Variants in TJP2 observed in about 807,000 individuals in gnomAD.
TJP2 encodes Friedreich ataxia region gene X104 (tight junction protein ZO-2).
Under a neutral mutation model 133.1 loss-of-function variants are expected in TJP2, and 91 were observed. The observed-to-expected ratio is 0.68, with a 90% CI of 0.58 to 0.81. The LOEUF is 0.81. Among genes scored for constraint, TJP2 ranks in the 40% least tolerant of loss-of-function variants. The pLI is 0.00. For missense variants in TJP2, 1,541 were observed against 1,565.6 expected, an observed-to-expected ratio of 0.98 and a Z score of 0.26; for synonymous variants, 592 against 583.4, an observed-to-expected ratio of 1.01 and a Z score of -0.21.
At chr9:69,235,845 T>G (rs946272619) in intron 12 of TJP2, among the ~76,000 whole-genome samples, 183 bp from the exon 13 acceptor site, 1 of 152,182 alleles carries the variant, frequency 6.6e-6, no homozygotes, top group Non-Finnish European at 1.5e-5. Flanking sequence ...AATTAACCAT[T>G]GCAGCAAGCC....
At chr9:69,168,954 C>T (rs1012092243) in intron 2 of TJP2, among the ~76,000 whole-genome samples, 2 of 151,246 alleles carry the variant, frequency 1.3e-5, no homozygotes, top group Middle Eastern at 3.2e-3. Context: ...GCAGGTGAAC[C>T]GGGTGGTTAT....
In TJP2 at chr9:69,248,243, C is replaced by T. The variant is rs200384355; in HGVS notation, c.2880+19C>T. 503 of 1,570,086 alleles carry T rather than the reference C, an allele frequency of 3.2e-4. 3 individuals are homozygous for T. In the Middle Eastern group the frequency reaches 3.5e-3, roughly 11 times the overall value. On this transcript the variant is annotated intron_variant, in intron 19 of 22. Coordinates refer to ENST00000377245, the MANE Select transcript of TJP2 (RefSeq NM_004817.4). ...CGAGGAGGTGAGGCGAGGCAGGCCA[C>T]GGGCAGGAACAGGAGAGCCTGGTGT...
intron 17 of TJP2, among the ~76,000 whole-genome samples, chr9:69,241,723 G>C (rs1830587617): frequency 6.6e-6 from 1 of 152,142 alleles, no homozygotes; most frequent in Admixed American, 6.6e-5. Context: ...AGTAAAGAGT[G>C]GTACAGCCTT....
intron 1 of TJP2, among the ~76,000 whole-genome samples, chr9:69,184,766 T>TTTTTTG (rs1184047894): frequency 6.6e-6 from 1 of 150,484 alleles, no homozygotes; most frequent in East Asian, 1.9e-4. Context: ...TTTTTTTTTT[T>TTTTTTG]TTTTGAGACG....
chr9:69,232,748 T>A (rs1212064789), intron 11 of TJP2, among the ~76,000 whole-genome samples: 1 of 152,170 alleles, frequency 6.6e-6, no homozygotes, highest in Admixed American at 6.5e-5. Flanking sequence ...TCTGATAGAG[T>A]TGTCATTTCT....
intron 2 of TJP2, among the ~76,000 whole-genome samples, chr9:69,165,417 T>A (rs1253865356): frequency 6.6e-6 from 1 of 152,138 alleles, no homozygotes; most frequent in Non-Finnish European, 1.5e-5. Flanking sequence ...TGATTACAGG[T>A]GTGGCCACCA....
At chr9:69,174,584 AG>A in intron 1 of TJP2, 152 bp downstream of exon 1, 1 of 996,300 alleles carries the variant, frequency 1.0e-6, no homozygotes, top group Non-Finnish European at 1.5e-6. Flanking sequence ...GACGCAGGGG[AG>A]GGGTAGGTTT....
chr9:69,217,366 A>T (rs532027687), intron 3 of TJP2, among the ~76,000 whole-genome samples: 123 of 152,338 alleles, frequency 8.1e-4, no homozygotes, highest in Middle Eastern at 3.4e-3. Flanking sequence ...AGTTAACTGT[A>T]TGGCTGCATT....
intron 20 of TJP2, among the ~76,000 whole-genome samples, chr9:69,250,570 G>A (rs1240383190): frequency 3.3e-5 from 5 of 152,316 alleles, no homozygotes; most frequent in Middle Eastern, 3.4e-3. Flanking sequence ...GGCTGTTAGC[G>A]TGAAGCAGTG....
intron 20 of TJP2, 97 bp from the exon 21 acceptor site, chr9:69,250,938 G>A (rs1831285217): frequency 7.9e-7 from 1 of 1,265,482 alleles, no homozygotes; most frequent in Non-Finnish European, 1.1e-6. Context: ...GACCACCTTT[G>A]GAAACTGATC....
In TJP2 at chr9:69,198,716, C is replaced by T. The variant is rs150016432; in HGVS notation, c.61-13832C>T. 6.6e-4 allele frequency among the ~76,000 whole-genome samples: 101 copies of T among 152,302 alleles called. 2 individuals carry two copies. In the East Asian group the frequency reaches 0.017, roughly 26 times the overall value. Reference sequence around the variant, plus strand: ...TACACTAGATTTAATCATCCACTGCCGGCACTCAGTGCATTGTGAAGGGAG... The same window carrying T: ...TACACTAGATTTAATCATCCACTGCTGGCACTCAGTGCATTGTGAAGGGAG... On this transcript the variant is annotated intron_variant, in intron 1 of 22. Transcript: ENST00000377245.
intron 19 of TJP2, 27 bp from the exon 20 acceptor site, chr9:69,249,348 T>C (rs368913468): frequency 1.3e-6 from 2 of 1,586,328 alleles, no homozygotes; most frequent in African/African-American, 1.3e-5. Flanking sequence ...GATGTTCTTG[T>C]TGTGAATGAA....
rs1416727105 is a variant in TJP2, at chr9:69,136,666, C to A, written c.-131+14941C>A. 2.0e-5 allele frequency among the ~76,000 whole-genome samples: 3 copies of A among 152,120 alleles called. No homozygotes were observed. The East Asian group carries it at 5.8e-4, about 29-fold the overall frequency. On this transcript the variant is annotated intron_variant, in intron 1 of 5. Transcript: ENST00000423935. Reference sequence around the variant, plus strand: ...GGGTCATGTGCAAGCTCAGTGAATGCAGGAGGAAACTACATCCATTTCCTG... The same window carrying A: ...GGGTCATGTGCAAGCTCAGTGAATGAAGGAGGAAACTACATCCATTTCCTG...
intron 17 of TJP2, among the ~76,000 whole-genome samples, chr9:69,241,630 A>G (rs1235563623): frequency 1.3e-5 from 2 of 152,106 alleles, no homozygotes; most frequent in Non-Finnish European, 2.9e-5. Context: ...ACGTACTCAT[A>G]CTCTTGGTAT....
chr9:69,248,491 T>G, intron 19 of TJP2: 1 of 1,316,280 alleles, frequency 7.6e-7, no homozygotes, highest in Non-Finnish European at 9.7e-7. Flanking sequence ...AGAATGGCTT[T>G]AGGTGCCGTC....
intron 10 of TJP2, among the ~76,000 whole-genome samples, 182 bp downstream of exon 10, chr9:69,229,432 G>GTTCC (rs1468465815): frequency 3.7e-4 from 57 of 152,322 alleles, no homozygotes; most frequent in Non-Finnish European, 6.2e-4. Context: ...ACAGCAAAAT[G>GTTCC]CGGAAGTGGG....
intron 17 of TJP2, 91 bp from the exon 18 acceptor site, chr9:69,246,596 TATC>T: frequency 9.2e-7 from 1 of 1,082,382 alleles, no homozygotes; most frequent in Non-Finnish European, 1.4e-6. Context: ...TAGTCTTAAA[TATC>T]ACAGAAATGA....
At chr9:69,167,238 A>G (rs1258024425) in intron 2 of TJP2, among the ~76,000 whole-genome samples, 11 of 151,864 alleles carry the variant, frequency 7.2e-5, no homozygotes, top group Non-Finnish European at 2.9e-5. Context: ...TGTCTCAAAA[A>G]CATAAAAATA....
chr9:69,143,989 CACAA>C (rs1823112922), intron 1 of TJP2, among the ~76,000 whole-genome samples: 1 of 152,054 alleles, frequency 6.6e-6, no homozygotes. Context: ...ATATTCAAAA[CACAA>C]ACATTCAATT....
Sources: allele counts gnomAD v4.1 joint callset (sites outside exome capture counted in the v4.1 genomes callset), GRCh38; gene constraint gnomAD v4.1.1; transcripts MANE v1.5; gene names NCBI Gene and HGNC (gene_info 2026-07-23, HGNC 2026-07-21).